The following ST6GALNAC3 variants were observed in gnomAD, a reference collection of about 807,000 sequenced individuals.
ST6GALNAC3 encodes the protein alpha-N-acetylgalactosaminide alpha-2,6-sialyltransferase 3.
ST6GALNAC3 carries 25 observed loss-of-function variants against 32.7 expected under a neutral mutation model. The observed-to-expected ratio is 0.76, with a 90% CI of 0.56 to 1.07. The LOEUF is 1.07. ST6GALNAC3 is among the 50% of genes least tolerant of loss of function. The pLI, the probability that ST6GALNAC3 is intolerant of heterozygous loss-of-function variation, is 0.00. For synonymous variants in ST6GALNAC3, 129 were observed against 133.1 expected (o/e 0.97, Z 0.21); for missense variants, 355 against 382.4 (o/e 0.93, Z 0.60).
chr1:76,198,159 C>T (rs893757443), intron 1 of ST6GALNAC3, among the ~76,000 whole-genome samples: 2 of 152,038 alleles, frequency 1.3e-5, no homozygotes, highest in African/African-American at 4.8e-5. Flanking sequence ...CACTTCAGCC[C>T]CCAAGTAGCT....
chr1:76,302,501 C>A (rs1660785523), intron 1 of ST6GALNAC3, among the ~76,000 whole-genome samples: 1 of 152,024 alleles, frequency 6.6e-6, no homozygotes. Flanking sequence ...TCTTATTAGA[C>A]TCCCATCTTA....
chr1:76,342,855 G>C (rs1219354735), intron 2 of ST6GALNAC3, among the ~76,000 whole-genome samples: 1 of 151,722 alleles, frequency 6.6e-6, no homozygotes. Context: ...ATATTTGTTG[G>C]CCACTTGTAT....
intron 2 of ST6GALNAC3, among the ~76,000 whole-genome samples, chr1:76,387,214 T>A (rs1652164360): frequency 6.6e-6 from 1 of 152,102 alleles, no homozygotes; most frequent in African/African-American, 2.4e-5. Flanking sequence ...ATGGTGACTG[T>A]AGGGCTGTGG....
At chr1:76,298,741 A>T (rs1337344918) in intron 1 of ST6GALNAC3, among the ~76,000 whole-genome samples, 1 of 152,070 alleles carries the variant, frequency 6.6e-6, no homozygotes, top group East Asian at 1.9e-4. Context: ...CTTTCACAGT[A>T]ATTCAGTATA....
At chr1:76,238,943 C>T (rs1656814222) in intron 1 of ST6GALNAC3, among the ~76,000 whole-genome samples, 1 of 139,162 alleles carries the variant, frequency 7.2e-6, no homozygotes, top group African/African-American at 2.9e-5. Context: ...CTGTTTCCCA[C>T]TAACCTTTTT....
At chr1:76,151,461 G>A (rs1395983065) in intron 1 of ST6GALNAC3, among the ~76,000 whole-genome samples, 11 of 152,202 alleles carry the variant, frequency 7.2e-5, no homozygotes, top group Non-Finnish European at 1.0e-4. Context: ...GGTTCCCACA[G>A]AGGCAGGATT....
chr1:76,190,673 T>C (rs1653840727), intron 1 of ST6GALNAC3, among the ~76,000 whole-genome samples: 1 of 152,120 alleles, frequency 6.6e-6, no homozygotes, highest in Non-Finnish European at 1.5e-5. Context: ...ACTTCAGGTG[T>C]TGGATTTTGG....
rs1169293894 is a variant in ST6GALNAC3 at position 76,629,653 on chromosome 1, A to G, written c.*847A>G. 76 of 985,342 alleles carry G rather than the reference A, an allele frequency of 7.7e-5. No individual in the cohort carries two copies. The highest frequency in any genetic ancestry group is 8.7e-5 in the Non-Finnish European group (72 of 829,654). 61.0% of individuals were successfully genotyped at this position (985,342 alleles called of 1,614,324 possible). On this transcript the variant is annotated 3_prime_UTR_variant, in exon 5 of 5. Coordinates refer to ENST00000328299, the MANE Select transcript of ST6GALNAC3 (RefSeq NM_152996.4). ...CTGTAATAACATATACTGTGAAAAC[A>G]TTCCTAAAAAGTAACCAAAGGGTTT...
At chr1:76,183,343 T>C (rs1653310812) in intron 1 of ST6GALNAC3, among the ~76,000 whole-genome samples, 1 of 152,198 alleles carries the variant, frequency 6.6e-6, no homozygotes, top group African/African-American at 2.4e-5. Context: ...CAATGTCTTC[T>C]TTTTTGTTGT....
chr1:76,393,636 A>C (rs1386506821), intron 2 of ST6GALNAC3, among the ~76,000 whole-genome samples: 5 of 152,210 alleles, frequency 3.3e-5, no homozygotes, highest in Non-Finnish European at 5.9e-5. Context: ...GCAAAGAGCT[A>C]AAACGAAAAC....
At chr1:76,294,391 T>C (rs945854784) in intron 1 of ST6GALNAC3, among the ~76,000 whole-genome samples, 1 of 152,144 alleles carries the variant, frequency 6.6e-6, no homozygotes, top group Non-Finnish European at 1.5e-5. Flanking sequence ...TATTTTGTTT[T>C]ATCAGAATTG....
intron 1 of ST6GALNAC3, among the ~76,000 whole-genome samples, chr1:76,257,957 C>T (rs1488950112): frequency 6.6e-6 from 1 of 152,130 alleles, no homozygotes; most frequent in Non-Finnish European, 1.5e-5. Flanking sequence ...GCCAGTCCTG[C>T]CCACTTGGTT....
intron 1 of ST6GALNAC3, among the ~76,000 whole-genome samples, chr1:76,225,112 A>G (rs1570494896): frequency 6.6e-6 from 1 of 152,034 alleles, no homozygotes; most frequent in East Asian, 1.9e-4. Context: ...GAGAAACAGT[A>G]CCCACCTGCT....
At chr1:76,135,042 T>C (rs1026475735) in intron 1 of ST6GALNAC3, among the ~76,000 whole-genome samples, 13 of 151,804 alleles carry the variant, frequency 8.6e-5, no homozygotes, top group Non-Finnish European at 1.8e-4. Context: ...CTTGGAGGGC[T>C]GAGGCAGGAG....
chr1:76,473,174 C>T (rs150609840), intron 3 of ST6GALNAC3, among the ~76,000 whole-genome samples: 46 of 152,146 alleles, frequency 3.0e-4, no homozygotes, highest in Admixed American at 5.2e-4. Flanking sequence ...GAAACAAGCT[C>T]ATCTGATGGG....
chr1:76,515,243 T>C (rs1438130837), intron 3 of ST6GALNAC3, among the ~76,000 whole-genome samples: 2 of 152,162 alleles, frequency 1.3e-5, no homozygotes, highest in Non-Finnish European at 2.9e-5. Flanking sequence ...AATTTAATCT[T>C]ACAATCCTTC....
chr1:76,160,243 A>G (rs1265677325), intron 1 of ST6GALNAC3, among the ~76,000 whole-genome samples: 1 of 152,174 alleles, frequency 6.6e-6, no homozygotes, highest in African/African-American at 2.4e-5. Context: ...GTTGGCTATT[A>G]CACTTAAAAG....
chr1:76,092,717 C>T (rs930975724), intron 1 of ST6GALNAC3, among the ~76,000 whole-genome samples: 1 of 152,174 alleles, frequency 6.6e-6, no homozygotes. Context: ...AACAAGGGCC[C>T]TGCATTTTTA....
At chr1:76,359,659 A>C (rs992520658) in intron 2 of ST6GALNAC3, among the ~76,000 whole-genome samples, 2 of 152,194 alleles carry the variant, frequency 1.3e-5, no homozygotes, top group African/African-American at 4.8e-5. Context: ...TTGTTACAGC[A>C]GCCCTAGAAA....
Sources: gnomAD v4.1 joint callset for allele counts (sites outside exome capture counted in the v4.1 genomes callset) on GRCh38, gnomAD v4.1.1 for gene constraint, MANE v1.5 for transcripts, NCBI Gene and HGNC (gene_info 2026-07-23, HGNC 2026-07-21) for gene names.